CCSER1: variants seen among roughly 807,000 people sequenced by gnomAD.
The protein encoded by CCSER1 is serine-rich coiled-coil domain-containing protein 1.
CCSER1 carries 41 observed loss-of-function variants against 82.0 expected under a neutral mutation model. That is an observed-to-expected ratio of 0.50 (90% CI 0.39 to 0.65). CCSER1 has a LOEUF of 0.65. Among genes scored for constraint, CCSER1 ranks in the 30% least tolerant of loss-of-function variants. The probability of loss-of-function intolerance (pLI) is 0.00; values close to 1 mark genes in which losing one functional copy is unlikely to be tolerated. For missense variants in CCSER1, 1,119 were observed against 1,064.2 expected (o/e 1.05, Z -0.72); for synonymous variants, 414 against 383.9 (o/e 1.08, Z -0.92).
intron 10 of CCSER1, among the ~76,000 whole-genome samples, chr4:91,596,205 A>C (rs2110355373): frequency 6.6e-6 from 1 of 152,146 alleles, no homozygotes; most frequent in East Asian, 1.9e-4. Context: ...AAAACTGTAT[A>C]TTCAATTTAA....
chr4:91,380,559 A>G (rs538218071), intron 10 of CCSER1, among the ~76,000 whole-genome samples: 2 of 152,294 alleles, frequency 1.3e-5, no homozygotes, highest in African/African-American at 4.8e-5. Context: ...ATCAGAGACT[A>G]GGATTGCAAC....
At chr4:90,198,731 G>C (rs1187576779) in intron 1 of CCSER1, among the ~76,000 whole-genome samples, 2 of 152,074 alleles carry the variant, frequency 1.3e-5, no homozygotes, top group Non-Finnish European at 2.9e-5. Flanking sequence ...ACCTTTCGAT[G>C]ATAATGTGCA....
At chr4:90,906,006 A>T (rs1239988311) in intron 8 of CCSER1, among the ~76,000 whole-genome samples, 1 of 152,172 alleles carries the variant, frequency 6.6e-6, no homozygotes, top group Non-Finnish European at 1.5e-5. Context: ...GCTATTACTG[A>T]TGGCTGAATT....
chr4:90,797,105 A>T (rs993908091), intron 7 of CCSER1, among the ~76,000 whole-genome samples: 1 of 152,136 alleles, frequency 6.6e-6, no homozygotes, highest in Admixed American at 6.5e-5. Context: ...CATGATTATT[A>T]TGTGAGAGTC....
intron 10 of CCSER1, among the ~76,000 whole-genome samples, chr4:91,247,825 A>G (rs985113979): frequency 3.9e-5 from 6 of 152,118 alleles, no homozygotes; most frequent in African/African-American, 1.4e-4. Context: ...TTGAGATCAC[A>G]CAACTGTGCT....
At chr4:91,329,121 C>T (rs1384875503) in intron 10 of CCSER1, among the ~76,000 whole-genome samples, 1 of 152,142 alleles carries the variant, frequency 6.6e-6, no homozygotes, top group Non-Finnish European at 1.5e-5. Context: ...CAGATTAATA[C>T]TCTTGTATTA....
At chr4:91,325,795 A>C (rs992694902) in intron 10 of CCSER1, among the ~76,000 whole-genome samples, 1 of 152,224 alleles carries the variant, frequency 6.6e-6, no homozygotes, top group African/African-American at 2.4e-5. Flanking sequence ...TCTTCACAAC[A>C]GACAAAGAAA....
At chr4:90,161,974 T>C (rs760146387) in intron 1 of CCSER1, among the ~76,000 whole-genome samples, 3 of 152,100 alleles carry the variant, frequency 2.0e-5, no homozygotes, top group Non-Finnish European at 4.4e-5. Context: ...AAATGTTGCA[T>C]TGGAAAGTAA....
chr4:91,019,911 G>A (rs1290845308), intron 9 of CCSER1, among the ~76,000 whole-genome samples: 1 of 152,060 alleles, frequency 6.6e-6, no homozygotes, highest in Non-Finnish European at 1.5e-5. Context: ...ATGGGCAACT[G>A]TGTACAAATA....
At chr4:91,349,213 T>A (rs1748294970) in intron 10 of CCSER1, among the ~76,000 whole-genome samples, 1 of 152,118 alleles carries the variant, frequency 6.6e-6, no homozygotes, top group Admixed American at 6.5e-5. Context: ...GGCCAATTTT[T>A]TTATGTTGAT....
chr4:91,165,790 T>C (rs1731985811), intron 10 of CCSER1, among the ~76,000 whole-genome samples: 1 of 152,150 alleles, frequency 6.6e-6, no homozygotes, highest in Admixed American at 6.5e-5. Context: ...ATTGGAAGAG[T>C]GCATTATTTG....
intron 4 of CCSER1, among the ~76,000 whole-genome samples, chr4:90,447,889 T>G (rs1288921980): frequency 6.6e-6 from 1 of 152,198 alleles, no homozygotes; most frequent in Non-Finnish European, 1.5e-5. Flanking sequence ...ATGCATAATT[T>G]TTAAATAATT....
At chr4:90,549,806 G>C (rs548023972) in intron 5 of CCSER1, among the ~76,000 whole-genome samples, 63 of 152,034 alleles carry the variant, frequency 4.1e-4, no homozygotes, top group Admixed American at 4.1e-3. Context: ...GAAGGAAACT[G>C]TTCTATAGGA....
rs571189957 is a variant in CCSER1 at position 91,439,025 on chromosome 4, G to A, written c.2218-159547G>A. ...TCTCATTGGTGTACCTGAAAGTGAC[G>A]GGGAGAATGGAACCAAGTTGGAAAA... is the stretch of plus-strand genomic sequence containing the variant. On this transcript the variant is annotated intron_variant, in intron 10 of 10. Transcript: ENST00000509176. Among the ~76,000 whole-genome samples the A allele has an allele frequency of 3.1e-3, 467 of 152,254 alleles. 3 individuals are homozygous for A. The highest frequency in any genetic ancestry group is 0.011 in the African/African-American group (439 of 41,546).
At position 91,527,830 on chromosome 4, in the gene CCSER1, G is replaced by A. The variant is rs1475361798; in HGVS notation, c.2218-70742G>A. 2.6e-5 allele frequency among the ~76,000 whole-genome samples: 4 copies of A among 152,122 alleles called. No homozygotes were observed. The East Asian group carries it at 5.8e-4, about 22-fold the overall frequency. The stretch of plus-strand genomic sequence containing the variant: ...TAATACAAGAGGGAAGTCATCTAGC[G>A]CTATTGATACAGACATGTAAATCTA... On this transcript the variant is annotated intron_variant, in intron 10 of 10. Transcript: ENST00000509176.
intron 5 of CCSER1, 54 bp downstream of exon 5, chr4:90,468,408 T>G (rs1763914946): frequency 4.1e-6 from 6 of 1,474,724 alleles, no homozygotes; most frequent in Non-Finnish European, 5.5e-6. Context: ...AGATAACTGA[T>G]AAGAAAATGT....
At chr4:90,422,017 C>T (rs1265666766) in intron 4 of CCSER1, among the ~76,000 whole-genome samples, 1 of 152,126 alleles carries the variant, frequency 6.6e-6, no homozygotes, top group Non-Finnish European at 1.5e-5. Flanking sequence ...TAACTAAAGG[C>T]ATAATCAATC....
intron 10 of CCSER1, among the ~76,000 whole-genome samples, chr4:91,167,210 G>A (rs1411019671): frequency 7.6e-5 from 9 of 118,032 alleles, no homozygotes; most frequent in Non-Finnish European, 1.0e-4. Flanking sequence ...TTTTTGAGAC[G>A]GCTTCTCACG....
chr4:91,010,466 G>A (rs1738920359), intron 9 of CCSER1, among the ~76,000 whole-genome samples: 1 of 136,936 alleles, frequency 7.3e-6, no homozygotes, highest in South Asian at 2.3e-4. Context: ...TTGAAGACTT[G>A]GGAAGTTTCT....
Sources: gnomAD v4.1 joint callset for allele counts (sites outside exome capture counted in the v4.1 genomes callset) on GRCh38, gnomAD v4.1.1 for gene constraint, MANE v1.5 for transcripts, NCBI Gene and HGNC (gene_info 2026-07-23, HGNC 2026-07-21) for gene names.